The following CDC42BPA variants were observed in gnomAD, a reference collection of about 807,000 sequenced individuals.
The protein encoded by CDC42BPA is serine/threonine-protein kinase MRCK alpha.
CDC42BPA carries 80 observed loss-of-function variants against 223.5 expected under a neutral mutation model. The observed-to-expected ratio is 0.36, with a 90% confidence interval of 0.30 to 0.43. CDC42BPA has a LOEUF of 0.43. Ranked by LOEUF, CDC42BPA falls within the 20% of genes least tolerant of loss-of-function variation. The pLI, the probability that CDC42BPA is intolerant of heterozygous loss-of-function variation, is 1.00. For synonymous variants in CDC42BPA, 694 were observed against 718.6 expected (o/e 0.97, Z 0.55); for missense variants, 1,743 against 2,099.9 (o/e 0.83, Z 3.32).
chr1:227,043,411 CA>C (rs66612393), intron 23 of CDC42BPA, among the ~76,000 whole-genome samples: 81,907 of 121,006 alleles, frequency 0.68, 25,153 homozygotes, highest in East Asian at 0.86. Context: ...GACTTCGTCT[CA>C]AAAAAAAAAA....
At chr1:227,150,855 GAAA>G (rs1215614965) in intron 6 of CDC42BPA, among the ~76,000 whole-genome samples, 1 of 71,138 alleles carries the variant, frequency 1.4e-5, no homozygotes, top group Admixed American at 1.5e-4. Flanking sequence ...TTACCTCCCT[GAAA>G]AAAAAAAAAA....
intron 1 of CDC42BPA, among the ~76,000 whole-genome samples, chr1:227,271,680 A>G (rs189145565): frequency 2.6e-5 from 4 of 152,272 alleles, no homozygotes; most frequent in African/African-American, 9.6e-5. Context: ...TGAAATTACG[A>G]GCTTAGTAAA....
intron 3 of CDC42BPA, among the ~76,000 whole-genome samples, chr1:227,206,151 C>T (rs2150295475): frequency 6.6e-6 from 1 of 152,306 alleles, no homozygotes; most frequent in Non-Finnish European, 1.5e-5. Flanking sequence ...TGAGTAAGGA[C>T]ATCTGTTAAT....
intron 2 of CDC42BPA, among the ~76,000 whole-genome samples, chr1:227,220,313 C>G (rs2718226): frequency 1.9e-5 from 1 of 53,314 alleles, no homozygotes; most frequent in Non-Finnish European, 3.5e-5. Context: ...TATATATATA[C>G]ACACACACAC....
At chr1:227,218,447 T>G (rs1210245652) in intron 2 of CDC42BPA, among the ~76,000 whole-genome samples, 1 of 152,216 alleles carries the variant, frequency 6.6e-6, no homozygotes, top group African/African-American at 2.4e-5. Context: ...GCTTATTCTG[T>G]GCCTAGCACT....
intron 5 of CDC42BPA, among the ~76,000 whole-genome samples, chr1:227,184,391 G>T (rs189519510): frequency 7.5e-5 from 11 of 147,048 alleles, no homozygotes; most frequent in Non-Finnish European, 1.1e-4. Flanking sequence ...GTTATTTGGG[G>T]TTTTTTTTTT....
intron 10 of CDC42BPA, among the ~76,000 whole-genome samples, chr1:227,129,974 C>A (rs1444826633): frequency 1.3e-5 from 2 of 151,850 alleles, no homozygotes; most frequent in East Asian, 3.9e-4. Flanking sequence ...CTACAGGTAA[C>A]CATGGCTCAA....
chr1:227,312,829 G>A (rs1023952754), intron 1 of CDC42BPA, among the ~76,000 whole-genome samples: 1 of 152,102 alleles, frequency 6.6e-6, no homozygotes, highest in African/African-American at 2.4e-5. Context: ...CACAAGATCT[G>A]GTTGTTTAAA....
chr1:227,253,612 ATACATAC>A (rs762979243), intron 2 of CDC42BPA, among the ~76,000 whole-genome samples: 1,574 of 114,414 alleles, frequency 0.014, 10 homozygotes, highest in Middle Eastern at 0.037. Flanking sequence ...AAATAAATAC[ATACATAC>A]ATACATACAT....
chr1:227,268,534 T>C (rs1017901260), intron 1 of CDC42BPA, among the ~76,000 whole-genome samples: 1 of 151,014 alleles, frequency 6.6e-6, no homozygotes, highest in African/African-American at 2.4e-5. Flanking sequence ...GTATTTTGTA[T>C]GTGTATGTAT....
chr1:227,275,909 T>C (rs1436666632), intron 1 of CDC42BPA, among the ~76,000 whole-genome samples: 1 of 152,172 alleles, frequency 6.6e-6, no homozygotes, highest in Non-Finnish European at 1.5e-5. Context: ...CAGTGCTCAA[T>C]GTTGCCCAGG....
chr1:227,048,753 GAAAA>G (rs34655609), intron 22 of CDC42BPA, among the ~76,000 whole-genome samples: 1 of 112,554 alleles, frequency 8.9e-6, no homozygotes. Flanking sequence ...AAAGTAGTGA[GAAAA>G]AAAAAAAAAA....
At position 227,196,348 on chromosome 1, in the gene CDC42BPA, T is replaced by TTTTTTTCTTTTTTTTTTTTTC. The variant is rs1670712247; in HGVS notation, c.451-2415_451-2414insGAAAAAAAAAAAAAGAAAAAA. Among the ~76,000 whole-genome samples, 2 of 133,332 alleles carry TTTTTTTCTTTTTTTTTTTTTC rather than the reference T, an allele frequency of 1.5e-5. 1 individual carries two copies. The highest frequency in any genetic ancestry group is 3.2e-5 in the Non-Finnish European group (2 of 62,376). 87.5% of individuals were successfully genotyped at this position (133,332 alleles called of 152,430 possible). On this transcript the variant is annotated intron_variant, in intron 4 of 36. Coordinates refer to ENST00000366766, the MANE Select transcript of CDC42BPA (RefSeq NM_001394014.1). Reference sequence around the variant, plus strand: ...TACTATTAAACAATACTTTTTTTTTTTTTTTTTTTGAGACAGAGTCTCCCT... The same window carrying TTTTTTTCTTTTTTTTTTTTTC: ...TACTATTAAACAATACTTTTTTTTTTTTTTTTCTTTTTTTTTTTTTCTTTTTTTTTGAGACAGAGTCTCCCT...
At chr1:227,002,294 T>C (rs1663022356) in intron 35 of CDC42BPA, among the ~76,000 whole-genome samples, 1 of 148,542 alleles carries the variant, frequency 6.7e-6, no homozygotes, top group East Asian at 2.0e-4. Context: ...ACATCAATCA[T>C]CAAATCTAGC....
At chr1:227,312,323 ATATT>A (rs1281663285) in intron 1 of CDC42BPA, among the ~76,000 whole-genome samples, 3 of 152,176 alleles carry the variant, frequency 2.0e-5, no homozygotes, top group Non-Finnish European at 4.4e-5. Flanking sequence ...GTACAATAAA[ATATT>A]TATTTGAGCT....
At chr1:227,141,983 A>AT (rs1378854886) in intron 9 of CDC42BPA, among the ~76,000 whole-genome samples, 1 of 152,184 alleles carries the variant, frequency 6.6e-6, no homozygotes, top group Non-Finnish European at 1.5e-5. Context: ...TTAAAAAAAA[A>AT]GAAAGTAAAA....
chr1:227,265,631 A>G (rs1009635090), intron 1 of CDC42BPA, among the ~76,000 whole-genome samples: 3 of 136,918 alleles, frequency 2.2e-5, no homozygotes, highest in Non-Finnish European at 4.8e-5. Context: ...ACTCCGTCTT[A>G]AAAAAAAAAA....
chr1:227,297,103 G>A (rs1558982768), intron 1 of CDC42BPA, among the ~76,000 whole-genome samples: 2 of 152,118 alleles, frequency 1.3e-5, no homozygotes, highest in African/African-American at 4.8e-5. Flanking sequence ...TCTAAAAATA[G>A]TCTATCTTTT....
chr1:227,111,013 T>C (rs2149379904), intron 14 of CDC42BPA, among the ~76,000 whole-genome samples: 1 of 152,336 alleles, frequency 6.6e-6, no homozygotes, highest in African/African-American at 2.4e-5. Flanking sequence ...ACAATATAAC[T>C]GTCTGTGTTT....
Sources: gnomAD v4.1 joint callset for allele counts (sites outside exome capture counted in the v4.1 genomes callset) on GRCh38, gnomAD v4.1.1 for gene constraint, MANE v1.5 for transcripts, NCBI Gene and HGNC (gene_info 2026-07-23, HGNC 2026-07-21) for gene names.